Variants in HNRNPL observed in about 807,000 individuals in gnomAD.
HNRNPL encodes the protein epididymis secretory sperm binding protein.
Under a neutral mutation model 64.0 loss-of-function variants are expected in HNRNPL, and 12 were observed. That is an observed-to-expected ratio of 0.19 (90% CI 0.12 to 0.30). The LOEUF (loss-of-function observed/expected upper bound fraction) is 0.30. Among genes scored for constraint, HNRNPL ranks in the 10% least tolerant of loss-of-function variants. The probability of loss-of-function intolerance (pLI) is 1.00; values close to 1 mark genes in which losing one functional copy is unlikely to be tolerated. For missense variants in HNRNPL, 484 were observed against 797.4 expected (o/e 0.61, Z 4.73); for synonymous variants, 385 against 313.0 (o/e 1.23, Z -2.43).
At chr19:38,849,372 A>C in intron 1 of HNRNPL, 1 of 265,824 alleles carries the variant, frequency 3.8e-6, no homozygotes. Context: ...GGAGCCAGCG[A>C]AGAAAATGAT....
In HNRNPL at chr19:38,849,716, C is replaced by T. The variant is rs1337317358; in HGVS notation, c.251G>A (p.Gly84Asp). The T allele has an allele frequency of 1.5e-6, 2 of 1,366,092 alleles. No individual in the cohort carries two copies. Among genetic ancestry groups the T allele is most frequent in the Non-Finnish European group, 1.9e-6 (2 of 1,068,434 alleles). 84.6% of individuals were successfully genotyped at this position (1,366,092 alleles called of 1,614,324 possible). The change falls in exon 1 of 13, where the codon GGC becomes GAC. Residue 84 changes from glycine (G) to aspartate (D), a missense_variant. Around this residue, in one of 9 missense-constraint regions of HNRNPL, gnomAD observed 190 missense variants for 160.1 expected, o/e 1.19. Coordinates refer to ENST00000221419, the MANE Select transcript of HNRNPL (RefSeq NM_001533.3). The stretch of plus-strand genomic sequence containing the variant: ...TGGCCTCACCCCACCGCCGCCGCCG[C>T]CCGCCGCCCCGGCTCCTCCACCGCC... The part of the protein sequence containing the change: ...GGGGGGAGAA[G>D]GGGGGENYDD...
At position 38,836,762 on chromosome 19, in the gene HNRNPL, G is replaced by A; in HGVS notation, c.1730C>T (p.Thr577Ile). The change falls in exon 13 of 13, where the codon ACT (threonine) becomes ATT (isoleucine). Residue 577 changes from threonine to isoleucine, a missense_variant. Physicochemically the swap from Thr to Ile is moderately conservative, Grantham distance 89. Coordinates refer to ENST00000221419, the MANE Select transcript of HNRNPL (RefSeq NM_001533.3). ...AGCAGTGGAGAAACACAACTTCAGA[G>A]TGTAAGGGTATGGACCATCTGCAAA... ...MKNPNGPYPYTLKLCFSTAQH... is the reference protein window; with the variant it reads ...MKNPNGPYPYILKLCFSTAQH... 1 of 1,613,522 alleles carries A rather than the reference G, an allele frequency of 6.2e-7. No individual in the cohort carries two copies. The highest frequency in any genetic ancestry group is 8.5e-7 in the Non-Finnish European group (1 of 1,179,682).
intron 6 of HNRNPL, among the ~76,000 whole-genome samples, chr19:38,842,535 TGTG>T (rs1362348521): frequency 6.6e-6 from 1 of 152,014 alleles, no homozygotes; most frequent in African/African-American, 2.4e-5. Flanking sequence ...TGGAGCGCGG[TGTG>T]GTGTTCTTGA....
chr19:38,837,275 G>GCGAAGATCC (rs1971960158), intron 12 of HNRNPL, 109 bp downstream of exon 12: 1 of 819,606 alleles, frequency 1.2e-6, no homozygotes, highest in Non-Finnish European at 2.1e-6. Context: ...CACCAACAGT[G>GCGAAGATCC]CGAAGATCCC....
chr19:38,836,686 CTT>C lies in HNRNPL; in HGVS notation c.*34_*35del. Reference sequence around the variant, plus strand: ...AATGGCATAAAGGAAAGAGAAATGTCTTCCTGCTCAGATGGGACTCTTCCTAG... The same window carrying C: ...AATGGCATAAAGGAAAGAGAAATGTCCCTGCTCAGATGGGACTCTTCCTAG... On this transcript the variant is annotated 3_prime_UTR_variant, in exon 13 of 13. Transcript: ENST00000221419. 7.1e-7 allele frequency: 1 copy of C among 1,407,324 alleles called. No homozygotes were observed. The highest frequency in any genetic ancestry group is 9.7e-7 in the Non-Finnish European group (1 of 1,028,632). The allele number at this position is 1,407,324 out of a possible 1,614,324, so 87.2% of individuals were successfully genotyped here. A position where few individuals can be genotyped will look rare whatever the true frequency, so the allele number is the denominator to read the frequency against.
Position 38,847,390 on chromosome 19 carries a change from G to A in HNRNPL, c.312C>T (p.Val104=). Reference sequence around the variant, plus strand: ...CACCGTCAATCAGGCCCCTGATGTGGACAACTGGGGAGGCAGGGGTTTTGT... The same window carrying A: ...CACCGTCAATCAGGCCCCTGATGTGAACAACTGGGGAGGCAGGGGTTTTGT... ...DPHKTPASPV[V]HIRGLIDGVV... is the part of the protein sequence containing the mutation. Residue 104 remains valine, a synonymous_variant, in exon 2 of 13, where the codon GTC becomes GTT. Coordinates refer to ENST00000221419, the MANE Select transcript of HNRNPL (RefSeq NM_001533.3). 1 of 1,561,776 alleles carries A rather than the reference G, an allele frequency of 6.4e-7. No homozygotes were observed. Among genetic ancestry groups the A allele is most frequent in the Non-Finnish European group, 8.7e-7 (1 of 1,153,994 alleles).
upstream of HNRNPL, among the ~76,000 whole-genome samples, chr19:38,850,490 A>T (rs1972474152): frequency 6.6e-6 from 1 of 152,078 alleles, no homozygotes; most frequent in Non-Finnish European, 1.5e-5. Context: ...AGTGGAGCGC[A>T]CCCTCTCACC....
Position 38,840,564 on chromosome 19 carries a change from G to C in HNRNPL, c.881-5C>G, listed in dbSNP as rs1972083653. ...TGGGGTTGCTGCCAGGGTCACCTGT[G>C]GAGAGAGAAAACAGTTAGGAGTCTC... On this transcript the variant is annotated splice_polypyrimidine_tract_variant and splice_region_variant and intron_variant, in intron 6 of 12. Coordinates refer to ENST00000221419, the MANE Select transcript of HNRNPL (RefSeq NM_001533.3). 4 of 1,578,386 alleles carry C rather than the reference G, an allele frequency of 2.5e-6. No homozygotes were observed. The highest frequency in any genetic ancestry group is 3.4e-6 in the Non-Finnish European group (4 of 1,162,802).
intron 2 of HNRNPL, among the ~76,000 whole-genome samples, chr19:38,846,861 T>C (rs374405114): frequency 6.8e-4 from 104 of 152,094 alleles, no homozygotes; most frequent in African/African-American, 2.3e-3. Context: ...TGAGCTGAGA[T>C]TGTCACTGCA....
At chr19:38,839,068 C>T in intron 8 of HNRNPL, 53 bp from the exon 9 acceptor site, 1 of 1,603,582 alleles carries the variant, frequency 6.2e-7, no homozygotes, top group Non-Finnish European at 8.5e-7. Context: ...AGGGTCCCCT[C>T]TCCTGCCCCT....
intron 12 of HNRNPL, chr19:38,837,055 C>T (rs954019422): frequency 3.7e-6 from 2 of 539,942 alleles, no homozygotes; most frequent in East Asian, 3.1e-5. Context: ...CAAGTTTTAC[C>T]TGCTGGATAG....
chr19:38,851,438 G>A (rs539028370), upstream of HNRNPL, among the ~76,000 whole-genome samples: 1 of 152,106 alleles, frequency 6.6e-6, no homozygotes, highest in African/African-American at 2.4e-5. Flanking sequence ...GTGTGGGGGG[G>A]AACACCTTAG....
At position 38,841,744 on chromosome 19, in the gene HNRNPL, T is replaced by C; in HGVS notation, c.881-1185A>G. The C allele has an allele frequency of 8.6e-6, 6 of 699,794 alleles. No individual in the cohort carries two copies. The South Asian group carries it at 8.9e-5, about 10-fold the overall frequency. The allele number at this position is 699,794 out of a possible 1,614,324, so 43.3% of individuals were successfully genotyped here. ...ACGGTACACATCCGCTACAATTTTT[T>C]TAAAGAATTGTTTTAAAAGTCAATA... is the stretch of plus-strand genomic sequence containing the variant. On this transcript the variant is annotated intron_variant, in intron 6 of 12. Coordinates refer to ENST00000221419, the MANE Select transcript of HNRNPL (RefSeq NM_001533.3).
At chr19:38,837,697 C>T (rs200974336) in intron 10 of HNRNPL, 46 bp from the exon 11 acceptor site, 71 of 1,554,408 alleles carry the variant, frequency 4.6e-5, no homozygotes, top group Admixed American at 8.5e-5. Flanking sequence ...ACAAAAGGGC[C>T]GCCACACAGG....
intron 1 of HNRNPL, chr19:38,849,388 G>A (rs368740082): frequency 5.9e-5 from 19 of 321,634 alleles, no homozygotes; most frequent in South Asian, 1.5e-4. Flanking sequence ...ATGATAAAGG[G>A]GAAAAAAACC....
In HNRNPL at chr19:38,837,713, A is replaced by C; in HGVS notation, c.1558-62T>G. The C allele has an allele frequency of 7.7e-6, 11 of 1,433,246 alleles. No individual in the cohort carries two copies. In the South Asian group the frequency reaches 1.3e-4, roughly 17 times the overall value. The allele number at this position is 1,433,246 out of a possible 1,614,324, so 88.8% of individuals were successfully genotyped here. A position where few individuals can be genotyped will look rare whatever the true frequency, so the allele number is the denominator to read the frequency against. The stretch of plus-strand genomic sequence containing the variant: ...CAAAAGGGCCGCCACACAGGATTCA[A>C]GCAGACCAGGCCCTGCATGACTCAG... On this transcript the variant is annotated intron_variant, in intron 10 of 12. Transcript: ENST00000221419.
intron 9 of HNRNPL, 136 bp from the exon 10 acceptor site, chr19:38,838,734 T>C (rs376949192): frequency 3.1e-6 from 4 of 1,307,204 alleles, no homozygotes; most frequent in Non-Finnish European, 4.4e-6. Flanking sequence ...GCTGACTCAC[T>C]TTCTCCTGTG....
At chr19:38,843,485 C>A (rs1021010419) in intron 6 of HNRNPL, 1 of 282,706 alleles carries the variant, frequency 3.5e-6, no homozygotes, top group Admixed American at 4.9e-5. Context: ...GAGGACAATT[C>A]CTGGTCCAGC....
At chr19:38,837,769 A>G (rs1257315592) in intron 10 of HNRNPL, 118 bp from the exon 11 acceptor site, 1 of 803,742 alleles carries the variant, frequency 1.2e-6, no homozygotes, top group African/African-American at 1.7e-5. Flanking sequence ...AAAGGCTTGT[A>G]GATTTTATCA....
Sources: gnomAD v4.1 joint callset for allele counts (sites outside exome capture counted in the v4.1 genomes callset) on GRCh38, gnomAD v4.1.1 for gene constraint, gnomAD v4.1.1 regional missense constraint, MANE v1.5 for transcripts, NCBI Gene and HGNC (gene_info 2026-07-23, HGNC 2026-07-21) for gene names.